Variants in TMOD2 observed in about 807,000 individuals in gnomAD.
TMOD2 encodes the protein tropomodulin-2.
TMOD2 carries 22 observed loss-of-function variants against 39.9 expected under a neutral mutation model. The observed-to-expected ratio is 0.55, with a 90% CI of 0.39 to 0.79. The LOEUF (loss-of-function observed/expected upper bound fraction) is 0.79. TMOD2 is among the 30% of genes least tolerant of loss of function. The pLI is 0.00. For synonymous variants in TMOD2, 123 were observed against 146.1 expected (o/e 0.84, Z 1.14); for missense variants, 386 against 413.3 (o/e 0.93, Z 0.57).
chr15:51,806,203 C>T (rs557139105), intron 8 of TMOD2, among the ~76,000 whole-genome samples, 174 bp from the exon 9 acceptor site: 4 of 152,206 alleles, frequency 2.6e-5, no homozygotes, highest in Non-Finnish European at 4.4e-5. Context: ...AGACAAGGAG[C>T]AGGACTCAAA....
intron 1 of TMOD2, among the ~76,000 whole-genome samples, chr15:51,751,939 C>A (rs2055707030): frequency 6.6e-6 from 1 of 150,876 alleles, no homozygotes; most frequent in Non-Finnish European, 1.5e-5. Flanking sequence ...CGGGAGGCGC[C>A]CGCCGGGGTG....
Position 51,811,794 on chromosome 15 carries a change from G to A in TMOD2, c.*3340G>A, listed in dbSNP as rs2056158444. ...CTTTTTAGAATTGCTGCAGGCCCAGGTTAAATATGAAATTACTCCCTAGGC... is the reference window on the plus strand; with the variant it reads ...CTTTTTAGAATTGCTGCAGGCCCAGATTAAATATGAAATTACTCCCTAGGC... On this transcript the variant is annotated 3_prime_UTR_variant, in exon 10 of 10. Coordinates refer to ENST00000249700, the MANE Select transcript of TMOD2 (RefSeq NM_014548.4). 6.6e-6 allele frequency: 1 copy of A among 152,116 alleles called. No individual in the cohort carries two copies. The allele number at this position is 152,116 out of a possible 1,614,324, so 9.4% of individuals were successfully genotyped here.
At chr15:51,760,670 G>C (rs149536961) in intron 1 of TMOD2, among the ~76,000 whole-genome samples, 13 of 152,056 alleles carry the variant, frequency 8.5e-5, no homozygotes, top group African/African-American at 3.1e-4. Flanking sequence ...GCTGGGTATG[G>C]TGGTGCATGC....
At chr15:51,790,393 C>A in intron 7 of TMOD2, among the ~76,000 whole-genome samples, 1 of 152,112 alleles carries the variant, frequency 6.6e-6, no homozygotes, top group East Asian at 1.9e-4. Context: ...GAGTCCAGGA[C>A]CAGACCGATT....
At chr15:51,767,207 G>A (rs1451373494) in intron 2 of TMOD2, 1 of 152,066 alleles carries the variant, frequency 6.6e-6, no homozygotes, top group Non-Finnish European at 1.5e-5. Flanking sequence ...TATATTTTTA[G>A]TAGAGACGGG....
At chr15:51,778,046 A>G (rs977075170) in intron 5 of TMOD2, among the ~76,000 whole-genome samples, 13 of 151,726 alleles carry the variant, frequency 8.6e-5, no homozygotes, top group African/African-American at 2.9e-4. Context: ...ACGTATGTTT[A>G]TTGCGGCACT....
intron 8 of TMOD2, among the ~76,000 whole-genome samples, chr15:51,801,625 G>A (rs2141642089): frequency 6.6e-6 from 1 of 152,322 alleles, no homozygotes; most frequent in Non-Finnish European, 1.5e-5. Context: ...CCAGGTCAAT[G>A]TGCAGTGATT....
At chr15:51,793,971 T>C (rs2056030338) in intron 7 of TMOD2, among the ~76,000 whole-genome samples, 1 of 152,252 alleles carries the variant, frequency 6.6e-6, no homozygotes, top group South Asian at 2.1e-4. Context: ...TTACATGGTA[T>C]GCGATAGTGT....
rs751031843 is a variant in TMOD2 at position 51,798,312 on chromosome 15, C to A, written c.848C>A (p.Thr283Asn). 6.2e-7 allele frequency: 1 copy of A among 1,613,558 alleles called. No homozygotes were observed. Among genetic ancestry groups the A allele is most frequent in the Non-Finnish European group, 8.5e-7 (1 of 1,179,904 alleles). ...ALVEALKEND[T>N]LTEIKIDNQR... ...GTAGAGGCACTGAAAGAAAATGACA[C>A]CTTGACAGAAATCAAGATTGACAAC... Residue 283 changes from threonine to asparagine, a missense_variant, in exon 8 of 10, where the codon ACC (threonine) becomes AAC (asparagine). Physicochemically the swap from Thr to Asn is moderately conservative, Grantham distance 65. Coordinates refer to ENST00000249700, the MANE Select transcript of TMOD2 (RefSeq NM_014548.4).
At position 51,773,695 on chromosome 15, in the gene TMOD2, T is replaced by C. The variant is rs762132838; in HGVS notation, c.284-17T>C. On this transcript the variant is annotated splice_polypyrimidine_tract_variant and intron_variant, in intron 3 of 9. Coordinates refer to ENST00000249700, the MANE Select transcript of TMOD2 (RefSeq NM_014548.4). ...GGCAGTAGTACTCAATATTTTTGTT[T>C]TTCTTCTGATTTAAAGGGAGAGTCT... is the stretch of plus-strand genomic sequence containing the variant. The C allele has an allele frequency of 5.0e-6, 8 of 1,592,498 alleles. No homozygotes were observed. In the East Asian group the frequency reaches 1.3e-4, roughly 27 times the overall value.
intron 9 of TMOD2, among the ~76,000 whole-genome samples, chr15:51,807,300 C>G (rs149877822): frequency 9.8e-5 from 15 of 152,314 alleles, no homozygotes; most frequent in African/African-American, 3.6e-4. Flanking sequence ...AGGTACAGTG[C>G]TGGCCTCAAG....
intron 5 of TMOD2, among the ~76,000 whole-genome samples, chr15:51,779,002 G>A (rs1008576798): frequency 6.6e-6 from 1 of 152,028 alleles, no homozygotes; most frequent in Admixed American, 6.6e-5. Context: ...TGTTGCCCAG[G>A]CTGGAGTGCA....
chr15:51,773,715 G>C lies in TMOD2; in HGVS notation c.287G>C (p.Arg96Thr), dbSNP rs372701556. 4 of 1,602,178 alleles carry C rather than the reference G, an allele frequency of 2.5e-6. No homozygotes were observed. Among genetic ancestry groups the C allele is most frequent in the Non-Finnish European group, 3.4e-6 (4 of 1,176,804 alleles). The change falls in exon 4 of 10, where the codon AGA becomes ACA. Residue 96 changes from arginine to threonine, a missense_variant. Physicochemically the swap from Arg to Thr is moderately conservative, Grantham distance 71. Transcript: ENST00000249700. ...TTGTTTTTCTTCTGATTTAAAGGGA[G>C]AGTCTTTATCCCTAAAGAAAAGCCT... The part of the protein sequence containing the change: ...FVPFTGEKKG[R>T]VFIPKEKPIE...
At chr15:51,788,789 T>A (rs1306359474) in intron 7 of TMOD2, among the ~76,000 whole-genome samples, 3 of 152,092 alleles carry the variant, frequency 2.0e-5, no homozygotes, top group Non-Finnish European at 2.9e-5. Context: ...ATAAAATCCT[T>A]TACAGACAAG....
intron 6 of TMOD2, among the ~76,000 whole-genome samples, chr15:51,781,621 C>T (rs1429097037): frequency 6.6e-6 from 1 of 152,216 alleles, no homozygotes; most frequent in African/African-American, 2.4e-5. Context: ...ATTCATGCGG[C>T]TGTTGGCAGG....
chr15:51,806,653 A>G (rs563291299), intron 9 of TMOD2, 132 bp downstream of exon 9: 16 of 962,106 alleles, frequency 1.7e-5, no homozygotes, highest in South Asian at 1.5e-4. Context: ...TATAAGACGC[A>G]TTATTATAAT....
intron 5 of TMOD2, among the ~76,000 whole-genome samples, chr15:51,779,417 G>C (rs1275482785): frequency 6.7e-6 from 1 of 149,898 alleles, no homozygotes; most frequent in African/African-American, 2.5e-5. Context: ...GTCTCGCTCT[G>C]TTGCCCAGGC....
chr15:51,773,882 G>A (rs980969923), intron 4 of TMOD2, 48 bp downstream of exon 4: 22 of 1,561,196 alleles, frequency 1.4e-5, no homozygotes, highest in Middle Eastern at 1.7e-4. Flanking sequence ...TATGACCTCC[G>A]AGCATGCACT....
intron 6 of TMOD2, among the ~76,000 whole-genome samples, chr15:51,782,360 G>T (rs896929205): frequency 6.6e-6 from 1 of 152,194 alleles, no homozygotes; most frequent in Non-Finnish European, 1.5e-5. Context: ...ATATATAAAG[G>T]TCTGAAAAAG....
Sources: gnomAD v4.1 joint callset for allele counts (sites outside exome capture counted in the v4.1 genomes callset) on GRCh38, gnomAD v4.1.1 for gene constraint, MANE v1.5 for transcripts, NCBI Gene and HGNC (gene_info 2026-07-23, HGNC 2026-07-21) for gene names.